NCOR1: variants seen among roughly 807,000 people sequenced by gnomAD.
NCOR1 encodes the protein nuclear receptor corepressor 1.
NCOR1 carries 63 observed loss-of-function variants against 288.1 expected under a neutral mutation model. The observed-to-expected ratio is 0.22, with a 90% CI of 0.18 to 0.27. NCOR1 has a LOEUF of 0.27. Among genes scored for constraint, NCOR1 ranks in the 10% least tolerant of loss-of-function variants. The pLI is 1.00. For synonymous variants in NCOR1, 1,007 were observed against 1,065.9 expected, an observed-to-expected ratio of 0.94 and a Z score of 1.08; for missense variants, 2,397 against 3,019.2, an observed-to-expected ratio of 0.79 and a Z score of 4.83.
chr17:16,181,253 GTA>G (rs1555787776), intron 3 of NCOR1, among the ~76,000 whole-genome samples: 4 of 146,640 alleles, frequency 2.7e-5, no homozygotes, highest in African/African-American at 5.2e-5. Context: ...GTGTGTGTGT[GTA>G]TAAATATTAT....
intron 22 of NCOR1, chr17:16,087,326 C>A (rs1008742390): frequency 1.8e-5 from 23 of 1,303,828 alleles, no homozygotes; most frequent in Non-Finnish European, 2.3e-5. Flanking sequence ...CAGCATAAGG[C>A]ATATAGGCGA....
chr17:16,106,413 G>A (rs1280986943), intron 19 of NCOR1, among the ~76,000 whole-genome samples: 2 of 148,358 alleles, frequency 1.3e-5, no homozygotes, highest in African/African-American at 4.9e-5. Flanking sequence ...CCAAACATGA[G>A]TATCTTTTTT....
rs1318245241 is a variant in NCOR1, at chr17:16,031,363, G to A, written c.*933C>T. ...TATGTAAGCTTTTCCTTTGGAACCT[G>A]AGACACCAGGAGCCTTAAACCACAA... On this transcript the variant is annotated 3_prime_UTR_variant, in exon 46 of 46. Coordinates refer to ENST00000268712, the MANE Select transcript of NCOR1 (RefSeq NM_006311.4). 1 of 189,292 alleles carries A rather than the reference G, an allele frequency of 5.3e-6. No individual in the cohort carries two copies. The highest frequency in any genetic ancestry group is 1.1e-5 in the Non-Finnish European group (1 of 90,120). The allele number at this position is 189,292 out of a possible 1,614,324, so 11.7% of individuals were successfully genotyped here. A position where few individuals can be genotyped will look rare whatever the true frequency, so the allele number is the denominator to read the frequency against.
In NCOR1 at chr17:16,075,670, T is replaced by C. The variant is rs2062353751; in HGVS notation, c.3534A>G (p.Pro1178=). Residue 1178 remains proline (P), a synonymous_variant, in exon 27 of 46, where the codon CCA becomes CCG. Transcript: ENST00000268712. The part of the protein sequence containing the change: ...GTPALPQTGI[P]TEALVKGSIS... ...TGGACCCCTTCACCAAAGCCTCTGT[T>C]GGTATGCCAGTCTGGGGCAGAGCCG... 3 of 1,614,172 alleles carry C rather than the reference T, an allele frequency of 1.9e-6. No homozygotes were observed. The highest frequency in any genetic ancestry group is 2.5e-6 in the Non-Finnish European group (3 of 1,180,028).
chr17:16,041,958 G>A (rs952634737), intron 42 of NCOR1, among the ~76,000 whole-genome samples: 11 of 151,886 alleles, frequency 7.2e-5, no homozygotes, highest in African/African-American at 2.7e-4. Flanking sequence ...GGATGGTCTT[G>A]ATCTCCTGAC....
chr17:16,037,828 C>T (rs2056732152), intron 44 of NCOR1, among the ~76,000 whole-genome samples: 2 of 152,212 alleles, frequency 1.3e-5, no homozygotes, highest in African/African-American at 2.4e-5. Flanking sequence ...TGAGACACCT[C>T]TGACTGTGCT....
intron 9 of NCOR1, among the ~76,000 whole-genome samples, chr17:16,147,002 T>A (rs1223736089): frequency 3.3e-5 from 5 of 152,180 alleles, no homozygotes. Flanking sequence ...CTTTAACCGA[T>A]CTATTATTGG....
intron 18 of NCOR1, among the ~76,000 whole-genome samples, chr17:16,117,576 A>G (rs892243941): frequency 2.6e-5 from 4 of 151,128 alleles, no homozygotes; most frequent in African/African-American, 9.7e-5. Context: ...TAATCCCAGC[A>G]CTTTGGGAGG....
Position 16,095,495 on chromosome 17 carries a change from G to A in NCOR1, c.2820+2872C>T, listed in dbSNP as rs1445638821. Among the ~76,000 whole-genome samples, 311 of 142,602 alleles carry A rather than the reference G, an allele frequency of 2.2e-3. 4 individuals carry two copies. The highest frequency in any genetic ancestry group is 7.2e-3 in the African/African-American group (282 of 38,918). 93.6% of individuals were successfully genotyped at this position (142,602 alleles called of 152,430 possible). A position where few individuals can be genotyped will look rare whatever the true frequency, so the allele number is the denominator to read the frequency against. On this transcript the variant is annotated intron_variant, in intron 21 of 45. Transcript: ENST00000268712. ...CCCCGTCCGGGAGGGAGGTAGGGGGGTCAGCCCCCTGCCCGGCCAGCCGCC... is the reference window on the plus strand; with the variant it reads ...CCCCGTCCGGGAGGGAGGTAGGGGGATCAGCCCCCTGCCCGGCCAGCCGCC...
rs776668038 is a variant in NCOR1, at chr17:16,061,444, A to G, written c.5838T>C (p.Asp1946=). 2.2e-5 allele frequency: 35 copies of G among 1,614,096 alleles called. 1 individual carries two copies. The highest frequency in any genetic ancestry group is 1.8e-4 in the South Asian group (16 of 91,084). ...AACTTTGAGAGCCACGTTCCCTCGC[A>G]TCCTTGTCCGAGGCAATTTGCCGGG... ...IITRQIASDK[D]ARERGSQSSD... is the part of the protein sequence containing the mutation. Residue 1946 remains aspartate, a synonymous_variant, in exon 37 of 46, where the codon GAT becomes GAC. Coordinates refer to ENST00000268712, the MANE Select transcript of NCOR1 (RefSeq NM_006311.4).
In NCOR1 at chr17:16,127,343, ATG is replaced by A. The variant is rs1491551148; in HGVS notation, c.1510-1139_1510-1138del. Among the ~76,000 whole-genome samples the A allele has an allele frequency of 4.6e-5, 6 of 130,002 alleles. 3 individuals are homozygous for A. Among genetic ancestry groups the A allele is most frequent in the Non-Finnish European group, 9.2e-5 (6 of 65,126 alleles). The allele number at this position is 130,002 out of a possible 152,430, so 85.3% of individuals were successfully genotyped here. On this transcript the variant is annotated intron_variant, in intron 14 of 45. Coordinates refer to ENST00000268712, the MANE Select transcript of NCOR1 (RefSeq NM_006311.4). ...TATATATGTATGTATATATACATGT[ATG>A]TATATATGTATGTATATATACATGT...
chr17:16,077,608 AAAGGAAGG>A (rs1567870550), intron 26 of NCOR1, among the ~76,000 whole-genome samples: 1 of 144,394 alleles, frequency 6.9e-6, no homozygotes, highest in Non-Finnish European at 1.5e-5. Context: ...AGGGAAAAGA[AAAGGAAGG>A]GAGGAAGGGA....
In NCOR1 at chr17:16,035,011, A is replaced by T. The variant is rs1269163537; in HGVS notation, c.6956-67T>A. On this transcript the variant is annotated intron_variant, in intron 44 of 45. Transcript: ENST00000268712. Reference sequence around the variant, plus strand: ...CTCAAAAATTACCAAAATGCTAATGATTATATATTGCTAAATGAAAAAAAA... The same window carrying T: ...CTCAAAAATTACCAAAATGCTAATGTTTATATATTGCTAAATGAAAAAAAA... 3.5e-6 allele frequency: 5 copies of T among 1,448,300 alleles called. No homozygotes were observed. The Admixed American group carries it at 9.6e-5, about 28-fold the overall frequency. 89.7% of individuals were successfully genotyped at this position (1,448,300 alleles called of 1,614,324 possible). A position where few individuals can be genotyped will look rare whatever the true frequency, so the allele number is the denominator to read the frequency against.
At chr17:16,115,895 A>G (rs1481570231) in intron 18 of NCOR1, among the ~76,000 whole-genome samples, 1 of 151,944 alleles carries the variant, frequency 6.6e-6, no homozygotes, top group African/African-American at 2.4e-5. Flanking sequence ...TTTCACCAAC[A>G]CCCTACTCTA....
intron 20 of NCOR1, among the ~76,000 whole-genome samples, chr17:16,099,793 G>T (rs2067268631): frequency 6.6e-6 from 1 of 152,186 alleles, no homozygotes; most frequent in Admixed American, 6.5e-5. Flanking sequence ...GAAAAAGAGT[G>T]ATAGTCAAAT....
intron 4 of NCOR1, among the ~76,000 whole-genome samples, chr17:16,170,107 C>CTGTGTGTGTGTG (rs61345864): frequency 0.12 from 17,725 of 147,516 alleles, 1,221 homozygotes; most frequent in Non-Finnish European, 0.13. Context: ...TATTTGCTTT[C>CTGTGTGTGTGTG]TGTGTGTGTG....
At chr17:16,210,182 G>A (rs1385778064) in intron 1 of NCOR1, among the ~76,000 whole-genome samples, 16 of 151,792 alleles carry the variant, frequency 1.1e-4, no homozygotes, top group Non-Finnish European at 1.5e-4. Context: ...TCAGGAGTTC[G>A]AGATCAGCCT....
chr17:16,089,280 T>C (rs1023535731), intron 22 of NCOR1, among the ~76,000 whole-genome samples: 2 of 152,166 alleles, frequency 1.3e-5, no homozygotes, highest in Non-Finnish European at 2.9e-5. Flanking sequence ...ACTCTTATTT[T>C]AATTGGATAA....
intron 42 of NCOR1, among the ~76,000 whole-genome samples, chr17:16,041,590 T>C (rs2057661334): frequency 6.6e-6 from 1 of 151,548 alleles, no homozygotes; most frequent in Non-Finnish European, 1.5e-5. Flanking sequence ...AATTTTTGTA[T>C]TTTTAGTAGA....
Sources: gnomAD v4.1 joint callset for allele counts (sites outside exome capture counted in the v4.1 genomes callset) on GRCh38, gnomAD v4.1.1 for gene constraint, MANE v1.5 for transcripts, NCBI Gene and HGNC (gene_info 2026-07-23, HGNC 2026-07-21) for gene names.